GSN: variants seen among roughly 807,000 people sequenced by gnomAD.
The protein encoded by GSN is gelsolin.
A neutral mutation model predicts 85.7 loss-of-function variants in GSN; 56 were observed. The ratio of observed to expected loss-of-function variants is 0.65; its 90% CI spans 0.53 to 0.82. The LOEUF (loss-of-function observed/expected upper bound fraction) is 0.82, where lower values mean the gene tolerates loss of function less well. GSN is among the 40% of genes least tolerant of loss of function. The probability of loss-of-function intolerance (pLI) is 0.00; values close to 1 mark genes in which losing one functional copy is unlikely to be tolerated. For synonymous variants in GSN, 373 were observed against 399.1 expected (o/e 0.93, Z 0.78); for missense variants, 857 against 979.8 (o/e 0.87, Z 1.67).
intron 5 of GSN, among the ~76,000 whole-genome samples, chr9:121,232,732 A>G (rs1488457553): frequency 1.3e-5 from 2 of 152,250 alleles, no homozygotes; most frequent in Non-Finnish European, 2.9e-5. Context: ...ATTGATTGGA[A>G]GAACTCTGCC....
chr9:121,206,556 C>T (rs892173554), upstream of GSN, among the ~76,000 whole-genome samples: 2 of 152,058 alleles, frequency 1.3e-5, no homozygotes, highest in African/African-American at 4.8e-5. Context: ...AAAAAATATC[C>T]TCTCGTGTCA....
chr9:121,229,248 T>C (rs980404466), intron 4 of GSN, among the ~76,000 whole-genome samples: 10 of 152,188 alleles, frequency 6.6e-5, no homozygotes, highest in African/African-American at 2.4e-4. Flanking sequence ...TTTGAGACAG[T>C]CTTGCGCTGT....
intron 14 of GSN, 92 bp from the exon 15 acceptor site, chr9:121,328,799 T>C: frequency 1.5e-6 from 2 of 1,359,472 alleles, no homozygotes; most frequent in Non-Finnish European, 2.1e-6. Context: ...GAGCAGTTGG[T>C]TGCGCTTGGG....
chr9:121,230,818 A>G (rs1588442764), intron 4 of GSN, among the ~76,000 whole-genome samples: 2 of 152,328 alleles, frequency 1.3e-5, no homozygotes, highest in South Asian at 4.1e-4. Flanking sequence ...CCTGTTATTC[A>G]GTGGGTTAAT....
chr9:121,224,389 G>A (rs1057425224), intron 4 of GSN, among the ~76,000 whole-genome samples: 5 of 152,024 alleles, frequency 3.3e-5, no homozygotes, highest in Admixed American at 2.0e-4. Context: ...GTGAGCCACC[G>A]CGCCCGGTCT....
chr9:121,234,202 C>T (rs2054448435), intron 5 of GSN, among the ~76,000 whole-genome samples: 1 of 152,188 alleles, frequency 6.6e-6, no homozygotes, highest in South Asian at 2.1e-4. Flanking sequence ...TATCTCACGG[C>T]CGTGCCTAGC....
intron 2 of GSN, among the ~76,000 whole-genome samples, chr9:121,288,507 G>A (rs1410861253): frequency 6.6e-6 from 1 of 152,200 alleles, no homozygotes; most frequent in Non-Finnish European, 1.5e-5. Context: ...CTCTGTGCCA[G>A]CTTCTTAGAT....
At position 121,299,277 on chromosome 9, in the gene GSN, C is replaced by G; in HGVS notation, c.-9-2686C>G. On this transcript the variant is annotated intron_variant, in intron 2 of 17. Transcript: ENST00000432226. The surrounding 1 kb of genome is among the most constrained non-coding windows in gnomAD (Gnocchi z 4.2). ...GCCGGCTTCACCTGCCCACGGGAGCCGGGTCCCCTGCCCTGCTGCGGCGCA... is the reference window on the plus strand; with the variant it reads ...GCCGGCTTCACCTGCCCACGGGAGCGGGGTCCCCTGCCCTGCTGCGGCGCA... 1.0e-6 allele frequency: 1 copy of G among 985,194 alleles called. No homozygotes were observed. The highest frequency in any genetic ancestry group is 1.7e-5 in the African/African-American group (1 of 57,362). 61.0% of individuals were successfully genotyped at this position (985,194 alleles called of 1,614,324 possible). A position where few individuals can be genotyped will look rare whatever the true frequency, so the allele number is the denominator to read the frequency against.
In GSN at chr9:121,313,936, G is replaced by A. The variant is rs1241078473; in HGVS notation, c.666G>A (p.Val222=). Residue 222 remains valine (V), a splice_region_variant and synonymous_variant, in exon 7 of 18, where the codon GTG becomes GTA. Transcript: ENST00000432226. ...CTCCATCTCTCTATCTCCTACAGGT[G>A]CTGGGCCCCAAGCCGGCTCTGCCTG... The part of the protein sequence containing the change: ...EGTEPEAMLQ[V]LGPKPALPAG... 3 of 1,613,130 alleles carry A rather than the reference G, an allele frequency of 1.9e-6. No individual in the cohort carries two copies. Among genetic ancestry groups the A allele is most frequent in the Non-Finnish European group, 2.5e-6 (3 of 1,179,186 alleles).
At chr9:121,301,637 A>G (rs1337969010) in intron 2 of GSN, among the ~76,000 whole-genome samples, 7 of 150,790 alleles carry the variant, frequency 4.6e-5, no homozygotes, top group Middle Eastern at 3.4e-3. Flanking sequence ...AAAAAAAAAA[A>G]AAAAAAAGAA....
At chr9:121,312,210 C>G in intron 5 of GSN, 129 bp from the exon 6 acceptor site, 1 of 934,318 alleles carries the variant, frequency 1.1e-6, no homozygotes, top group South Asian at 1.4e-5. Context: ...GCAGACTGTG[C>G]CAGCCTTCAC....
At chr9:121,267,003 G>A (rs1446479549), upstream of GSN, among the ~76,000 whole-genome samples, 1 of 152,098 alleles carries the variant, frequency 6.6e-6, no homozygotes, top group African/African-American at 2.4e-5. Context: ...CCCAGCACCC[G>A]GCAATTACTG....
At chr9:121,282,527 C>T (rs1388154020) in intron 2 of GSN, 5 of 1,253,394 alleles carry the variant, frequency 4.0e-6, no homozygotes, top group Non-Finnish European at 5.0e-6. Context: ...ACAGCCGGAG[C>T]TGTTCCTCTT....
intron 4 of GSN, among the ~76,000 whole-genome samples, chr9:121,223,175 A>C (rs927267512): frequency 4.6e-5 from 7 of 152,190 alleles, no homozygotes; most frequent in Admixed American, 1.3e-4. Flanking sequence ...AGATCTTGTC[A>C]GGAAGCTACT....
chr9:121,280,113 C>T (rs967723215), intron 1 of GSN: 1 of 152,262 alleles, frequency 6.6e-6, no homozygotes, highest in Non-Finnish European at 1.5e-5. Context: ...ACGGCCCTGC[C>T]ATCTTCGGGA....
At chr9:121,231,998 C>T (rs1378730529) in intron 5 of GSN, among the ~76,000 whole-genome samples, 3 of 152,006 alleles carry the variant, frequency 2.0e-5, no homozygotes, top group Non-Finnish European at 4.4e-5. Flanking sequence ...ACCCAGGAGG[C>T]GGAGGTTGAA....
intron 13 of GSN, 155 bp downstream of exon 13, chr9:121,326,837 G>C (rs756894283): frequency 8.7e-6 from 7 of 806,026 alleles, no homozygotes; most frequent in Non-Finnish European, 1.6e-5. Context: ...CCACAGGGTT[G>C]TCTGTCTTAG....
intron 5 of GSN, chr9:121,239,382 AT>A: frequency 1.6e-5 from 7 of 441,962 alleles, no homozygotes; most frequent in South Asian, 1.9e-5. Flanking sequence ...CCATTGAGCC[AT>A]TTTCTTCAAA....
At position 121,324,564 on chromosome 9, in the gene GSN, C is replaced by A; in HGVS notation, c.1336C>A (p.Gln446Lys). ...CACTTCCCCTTCCAGGCAGGGTGCC[C>A]AGTCTACCCAGGATGAGGTCGCTGC... is the stretch of plus-strand genomic sequence containing the variant. ...GQIIYNWQGAQSTQDEVAASA... is the reference protein window; with the variant it reads ...GQIIYNWQGAKSTQDEVAASA... Residue 446 changes from glutamine (Q) to lysine (K), a missense_variant, in exon 12 of 18, where the codon CAG (glutamine) becomes AAG (lysine). Gln to Lys is a moderately conservative substitution (Grantham distance 53). Transcript: ENST00000432226. The A allele has an allele frequency of 6.5e-7, 1 of 1,530,182 alleles. No homozygotes were observed. Among genetic ancestry groups the A allele is most frequent in the Non-Finnish European group, 8.9e-7 (1 of 1,129,020 alleles). 94.8% of individuals were successfully genotyped at this position (1,530,182 alleles called of 1,614,324 possible).
Sources: gnomAD v4.1 joint callset for allele counts (sites outside exome capture counted in the v4.1 genomes callset) on GRCh38, gnomAD v4.1.1 for gene constraint, Gnocchi (gnomAD v3.1) non-coding constraint, MANE v1.5 for transcripts, NCBI Gene and HGNC (gene_info 2026-07-23, HGNC 2026-07-21) for gene names.